LIMCH1: variants seen among roughly 807,000 people sequenced by gnomAD.
The protein encoded by LIMCH1 is LIM and calponin homology domains-containing protein 1.
LIMCH1 carries 113 observed loss-of-function variants against 176.5 expected under a neutral mutation model. The observed-to-expected ratio is 0.64, with a 90% confidence interval of 0.55 to 0.75. LIMCH1 has a LOEUF of 0.75. Ranked by LOEUF, LIMCH1 falls within the 30% of genes least tolerant of loss-of-function variation. LIMCH1 has a pLI of 0.00. For missense variants in LIMCH1, 1,674 were observed against 1,814.9 expected (o/e 0.92, Z 1.41); for synonymous variants, 619 against 645.9 (o/e 0.96, Z 0.63).
intron 29 of LIMCH1, 80 bp downstream of exon 29, chr4:41,687,997 G>C (rs758636444): frequency 1.4e-5 from 16 of 1,131,622 alleles, no homozygotes; most frequent in African/African-American, 3.1e-5. Flanking sequence ...CTGAATTAGT[G>C]CTTGCCAAAT....
chr4:41,637,384 T>A (rs532210408), intron 13 of LIMCH1, among the ~76,000 whole-genome samples: 1 of 152,266 alleles, frequency 6.6e-6, no homozygotes, highest in East Asian at 1.9e-4. Flanking sequence ...GAGACAAGGC[T>A]TTGCCATGTT....
At chr4:41,528,642 A>G (rs998959484) in intron 3 of LIMCH1, among the ~76,000 whole-genome samples, 2 of 152,148 alleles carry the variant, frequency 1.3e-5, no homozygotes, top group African/African-American at 2.4e-5. Flanking sequence ...AGAAGTCCAT[A>G]GTAGCAGGGG....
chr4:41,376,710 G>A (rs1490763545), intron 1 of LIMCH1, among the ~76,000 whole-genome samples: 4 of 152,128 alleles, frequency 2.6e-5, no homozygotes, highest in South Asian at 2.1e-4. Flanking sequence ...CTGGGAAAAA[G>A]AATTTTCTGC....
chr4:41,378,870 C>T (rs16853153), intron 1 of LIMCH1, among the ~76,000 whole-genome samples: 8,222 of 151,902 alleles, frequency 0.054, 739 homozygotes, highest in African/African-American at 0.19. Flanking sequence ...AAGGCCTTGA[C>T]GAAGGGGTAG....
chr4:41,530,393 C>G (rs1312552538), intron 3 of LIMCH1, among the ~76,000 whole-genome samples: 1 of 152,184 alleles, frequency 6.6e-6, no homozygotes, highest in African/African-American at 2.4e-5. Context: ...TCAACTCATC[C>G]TGATCAATGT....
chr4:41,382,687 C>T (rs2055867999), intron 1 of LIMCH1, among the ~76,000 whole-genome samples: 2 of 152,210 alleles, frequency 1.3e-5, no homozygotes, highest in Admixed American at 6.5e-5. Flanking sequence ...CAAAGGCTCC[C>T]TCTTCTCGAG....
intron 1 of LIMCH1, among the ~76,000 whole-genome samples, chr4:41,598,186 G>T (rs969986999): frequency 5.9e-5 from 9 of 152,114 alleles, no homozygotes; most frequent in Non-Finnish European, 1.3e-4. Flanking sequence ...CCCACAATTT[G>T]CAATCCCTTT....
intron 4 of LIMCH1, among the ~76,000 whole-genome samples, chr4:41,611,179 A>G (rs2152789976): frequency 6.6e-6 from 1 of 151,820 alleles, no homozygotes; most frequent in South Asian, 2.1e-4. Context: ...ATGCACAAAT[A>G]CCATTGTGTT....
At chr4:41,687,814 T>A (rs1345073419) in intron 28 of LIMCH1, 26 bp from the exon 29 acceptor site, 5 of 1,508,976 alleles carry the variant, frequency 3.3e-6, no homozygotes, top group Non-Finnish European at 4.6e-6. Flanking sequence ...CTTGTCATAA[T>A]TTTTGACTCC....
At chr4:41,565,687 C>G (rs532227713) in intron 1 of LIMCH1, among the ~76,000 whole-genome samples, 36 of 152,152 alleles carry the variant, frequency 2.4e-4, no homozygotes, top group African/African-American at 8.7e-4. Flanking sequence ...TTTAGGGGAT[C>G]TGATGGTTGA....
intron 1 of LIMCH1, among the ~76,000 whole-genome samples, chr4:41,402,161 G>T (rs2058511248): frequency 1.3e-5 from 2 of 152,222 alleles, no homozygotes; most frequent in South Asian, 2.1e-4. Context: ...CAAAAAGTGG[G>T]CAAAGGATAT....
intron 1 of LIMCH1, among the ~76,000 whole-genome samples, chr4:41,439,025 C>T (rs1257597900): frequency 6.6e-6 from 1 of 152,172 alleles, no homozygotes; most frequent in Non-Finnish European, 1.5e-5. Context: ...AAGCCAGACT[C>T]CTTTGACTAA....
At chr4:41,682,639 C>T (rs1325372420) in intron 26 of LIMCH1, among the ~76,000 whole-genome samples, 179 bp downstream of exon 26, 1 of 148,744 alleles carries the variant, frequency 6.7e-6, no homozygotes, top group Non-Finnish European at 1.5e-5. Flanking sequence ...GTGCCCTTAT[C>T]TTTTGAATAT....
At chr4:41,544,026 G>A (rs552140272) in intron 1 of LIMCH1, among the ~76,000 whole-genome samples, 6 of 152,108 alleles carry the variant, frequency 3.9e-5, no homozygotes, top group Non-Finnish European at 7.3e-5. Context: ...CTTCCCTGCA[G>A]CAAATAACAT....
At position 41,646,294 on chromosome 4, in the gene LIMCH1, G is replaced by T. The variant is rs767763557; in HGVS notation, c.2411+14G>T. 4 of 1,594,480 alleles carry T rather than the reference G, an allele frequency of 2.5e-6. No individual in the cohort carries two copies. The highest frequency in any genetic ancestry group is 3.4e-6 in the Non-Finnish European group (4 of 1,174,386). On this transcript the variant is annotated intron_variant, in intron 16 of 31. Coordinates refer to ENST00000503057, the MANE Select transcript of LIMCH1 (RefSeq NM_001330672.2). Reference sequence around the variant, plus strand: ...TGTTCAAGAAAAGTGAGTTCTTTCTGTTGTCGTTTTTAATGTACAATATTA... The same window carrying T: ...TGTTCAAGAAAAGTGAGTTCTTTCTTTTGTCGTTTTTAATGTACAATATTA...
intron 1 of LIMCH1, among the ~76,000 whole-genome samples, chr4:41,433,565 G>GCCTTTCTA: frequency 6.6e-6 from 1 of 152,116 alleles, no homozygotes; most frequent in East Asian, 1.9e-4. Flanking sequence ...TCTCCACGTG[G>GCCTTTCTA]CCTTTCTACC....
At chr4:41,508,497 GCATT>G (rs1290015879) in intron 2 of LIMCH1, among the ~76,000 whole-genome samples, 1 of 152,108 alleles carries the variant, frequency 6.6e-6, no homozygotes, top group Non-Finnish European at 1.5e-5. Flanking sequence ...GTGAGACGAT[GCATT>G]CAACTTGCTC....
intron 21 of LIMCH1, 135 bp from the exon 22 acceptor site, chr4:41,671,419 C>T (rs1441362848): frequency 3.2e-6 from 2 of 625,358 alleles, no homozygotes; most frequent in Non-Finnish European, 5.7e-6. Context: ...CACACACACA[C>T]ACACACACAC....
At chr4:41,682,027 T>C (rs1716417538) in intron 25 of LIMCH1, among the ~76,000 whole-genome samples, 1 of 152,172 alleles carries the variant, frequency 6.6e-6, no homozygotes, top group African/African-American at 2.4e-5. Flanking sequence ...ATAATCCACG[T>C]AAAGGAAAAT....
Sources: gnomAD v4.1 joint callset for allele counts (sites outside exome capture counted in the v4.1 genomes callset) on GRCh38, gnomAD v4.1.1 for gene constraint, MANE v1.5 for transcripts, NCBI Gene and HGNC (gene_info 2026-07-23, HGNC 2026-07-21) for gene names.